The following PRR16 variants were observed in gnomAD, a reference collection of about 807,000 sequenced individuals.
The protein encoded by PRR16 is proline rich 16.
Under a neutral mutation model 18.2 loss-of-function variants are expected in PRR16, and 6 were observed. The observed-to-expected ratio is 0.33, with a 90% CI of 0.18 to 0.65. PRR16 has a LOEUF of 0.65. Among genes scored for constraint, PRR16 ranks in the 30% least tolerant of loss-of-function variants. The probability of loss-of-function intolerance (pLI) is 0.74; values close to 1 mark genes in which losing one functional copy is unlikely to be tolerated. For synonymous variants in PRR16, 151 were observed against 147.8 expected, an observed-to-expected ratio of 1.02 and a Z score of -0.16; for missense variants, 412 against 376.6, an observed-to-expected ratio of 1.09 and a Z score of -0.78.
rs1189710131 is a variant in PRR16, at chr5:120,686,847, G to C, written c.*138G>C. 1.6e-6 allele frequency: 1 copy of C among 622,214 alleles called. No homozygotes were observed. The highest frequency in any genetic ancestry group is 2.5e-6 in the Non-Finnish European group (1 of 406,852). The allele number at this position is 622,214 out of a possible 1,614,324, so 38.5% of individuals were successfully genotyped here. A position where few individuals can be genotyped will look rare whatever the true frequency, so the allele number is the denominator to read the frequency against. On this transcript the variant is annotated 3_prime_UTR_variant, in exon 2 of 2. Transcript: ENST00000407149. ...CAGCAAAGTGGCATAAAAATCACCT[G>C]GTAAGTATGCAGCACATTGCTTATA...
intron 1 of PRR16, among the ~76,000 whole-genome samples, chr5:120,664,768 C>A (rs564340214): frequency 1.5e-5 from 2 of 133,214 alleles, no homozygotes; most frequent in East Asian, 3.9e-4. Flanking sequence ...TCATCCATGT[C>A]CCTACAAAGA....
At chr5:120,582,471 A>G (rs1014546345) in intron 1 of PRR16, among the ~76,000 whole-genome samples, 4 of 152,066 alleles carry the variant, frequency 2.6e-5, no homozygotes, top group African/African-American at 9.7e-5. Flanking sequence ...TAAAATTTAT[A>G]TACTCTTATT....
At chr5:120,624,902 T>C (rs967709912) in intron 1 of PRR16, among the ~76,000 whole-genome samples, 4 of 152,100 alleles carry the variant, frequency 2.6e-5, no homozygotes, top group Admixed American at 2.6e-4. Flanking sequence ...TCATGAGATC[T>C]GATGGTTTTA....
chr5:120,665,580 T>C (rs961297534), intron 1 of PRR16, among the ~76,000 whole-genome samples: 16 of 152,194 alleles, frequency 1.1e-4, no homozygotes, highest in African/African-American at 3.6e-4. Flanking sequence ...CTAGGGTTTT[T>C]ATGGTTTTAG....
At chr5:120,791,483 CT>C in the PRR16 span, among the ~76,000 whole-genome samples, 1 of 151,654 alleles carries the variant, frequency 6.6e-6, no homozygotes, top group Non-Finnish European at 1.5e-5. Flanking sequence ...AGTTTTGTTT[CT>C]GGAATTCTGT....
intron 1 of PRR16, among the ~76,000 whole-genome samples, chr5:120,557,333 A>C (rs557443327): frequency 6.6e-6 from 1 of 151,938 alleles, no homozygotes; most frequent in Non-Finnish European, 1.5e-5. Context: ...AGTTTTCCTC[A>C]GAGTTTGTAT....
chr5:120,768,038 C>G, the PRR16 span, among the ~76,000 whole-genome samples: 1 of 151,760 alleles, frequency 6.6e-6, no homozygotes, highest in East Asian at 1.9e-4. Context: ...TGTTATCACC[C>G]CAGAAAGAAA....
chr5:120,766,380 G>T, the PRR16 span, among the ~76,000 whole-genome samples: 1 of 151,328 alleles, frequency 6.6e-6, no homozygotes, highest in East Asian at 1.9e-4. Flanking sequence ...CACATCTATT[G>T]GCCATTTGGA....
the PRR16 span, among the ~76,000 whole-genome samples, chr5:120,717,535 A>G: frequency 3.2e-3 from 2 of 630 alleles, no homozygotes; most frequent in Non-Finnish European, 6.5e-3. Flanking sequence ...TCTTCAATTT[A>G]TTTTCTACTT....
intron 1 of PRR16, among the ~76,000 whole-genome samples, chr5:120,667,078 C>T (rs974290985): frequency 8.5e-5 from 13 of 152,110 alleles, no homozygotes; most frequent in African/African-American, 3.1e-4. Context: ...GGCTGTGAAT[C>T]CATCTGGTCC....
chr5:120,643,402 A>G (rs2150126433), intron 1 of PRR16, among the ~76,000 whole-genome samples: 1 of 152,274 alleles, frequency 6.6e-6, no homozygotes, highest in Admixed American at 6.5e-5. Context: ...ATAACTGTGA[A>G]GTTTAGCTTA....
intron 1 of PRR16, among the ~76,000 whole-genome samples, chr5:120,573,108 A>T (rs147739576): frequency 5.9e-5 from 9 of 152,276 alleles, no homozygotes; most frequent in Non-Finnish European, 1.0e-4. Flanking sequence ...TTTCTGAACC[A>T]AGGCAAATGT....
chr5:120,617,827 A>G (rs556072135), intron 1 of PRR16, among the ~76,000 whole-genome samples: 145 of 152,300 alleles, frequency 9.5e-4, no homozygotes, highest in African/African-American at 3.4e-3. Flanking sequence ...ATATGTGACC[A>G]TAAGAACGAT....
the PRR16 span, among the ~76,000 whole-genome samples, chr5:120,700,078 T>C: frequency 2.8e-4 from 42 of 152,150 alleles, no homozygotes; most frequent in Non-Finnish European, 4.7e-4. Context: ...GTTTGAGACC[T>C]AGAACAGAAT....
chr5:120,542,867 C>T (rs150591087), intron 1 of PRR16, among the ~76,000 whole-genome samples: 24 of 152,186 alleles, frequency 1.6e-4, no homozygotes, highest in African/African-American at 5.8e-4. Context: ...TATTAGCAGT[C>T]ATTCTTTAAA....
chr5:120,558,150 A>G (rs999060229), intron 1 of PRR16, among the ~76,000 whole-genome samples: 2 of 151,866 alleles, frequency 1.3e-5, no homozygotes, highest in Non-Finnish European at 2.9e-5. Context: ...AAATAATCCA[A>G]TTATACTCTT....
intron 1 of PRR16, among the ~76,000 whole-genome samples, chr5:120,604,855 A>G (rs1238253085): frequency 6.6e-6 from 1 of 152,174 alleles, no homozygotes; most frequent in Non-Finnish European, 1.5e-5. Flanking sequence ...TGCTGAATAT[A>G]GGCTCCCAAT....
intron 1 of PRR16, among the ~76,000 whole-genome samples, chr5:120,674,092 C>T (rs1033906332): frequency 1.3e-5 from 2 of 152,090 alleles, no homozygotes; most frequent in African/African-American, 4.8e-5. Context: ...ACTATCTAAA[C>T]TCTTACATGT....
chr5:120,577,004 A>T (rs1753100950), intron 1 of PRR16, among the ~76,000 whole-genome samples: 1 of 152,058 alleles, frequency 6.6e-6, no homozygotes, highest in East Asian at 1.9e-4. Flanking sequence ...TTCTCTGGAA[A>T]ACTCTAATGC....
Sources: allele counts gnomAD v4.1 joint callset (sites outside exome capture counted in the v4.1 genomes callset), GRCh38; gene constraint gnomAD v4.1.1; transcripts MANE v1.5; gene names NCBI Gene and HGNC (gene_info 2026-07-23, HGNC 2026-07-21).